Variants in ERAP1 observed in about 807,000 individuals in gnomAD.
The protein encoded by ERAP1 is endoplasmic reticulum aminopeptidase 1.
Under a neutral mutation model 103.7 loss-of-function variants are expected in ERAP1, and 86 were observed. The observed-to-expected ratio is 0.83, with a 90% CI of 0.70 to 0.99. ERAP1 has a LOEUF of 0.99. Among genes scored for constraint, ERAP1 ranks in the 50% least tolerant of loss-of-function variants. The pLI, the probability that ERAP1 is intolerant of heterozygous loss-of-function variation, is 0.00. For missense variants in ERAP1, 1,009 were observed against 1,128.4 expected (o/e 0.89, Z 1.52); for synonymous variants, 398 against 402.4 (o/e 0.99, Z 0.13).
Position 96,781,807 on chromosome 5 carries a change from C to T in ERAP1, c.2333G>A (p.Ser778Asn). 4.3e-6 allele frequency: 7 copies of T among 1,614,094 alleles called. No individual in the cohort carries two copies. Among genetic ancestry groups the T allele is most frequent in the Non-Finnish European group, 5.9e-6 (7 of 1,180,014 alleles). ...ATAAAGAAAATCCCAGCCTTCTGTG[C>T]TCTGGGCCCCCACAGCAAACACTGC... ...TLAVFAVGAQ[S>N]TEGWDFLYSK... The change falls in exon 16 of 19, where the codon AGC becomes AAC. Residue 778 changes from serine (S) to asparagine (N), a missense_variant. Physicochemically the swap from Ser to Asn is conservative, Grantham distance 46. Around this residue, in one of 3 missense-constraint regions of ERAP1, gnomAD observed 611 missense variants for 651.7 expected, o/e 0.94. Transcript: ENST00000443439.
At chr5:96,785,664 C>CA in intron 13 of ERAP1, 124 bp downstream of exon 13, 1 of 958,152 alleles carries the variant, frequency 1.0e-6, no homozygotes, top group Non-Finnish European at 1.5e-6. Flanking sequence ...GTTAGAAGAA[C>CA]TTAAAGGAAA....
chr5:96,767,400 A>T (rs138461806), intron 19 of ERAP1: 135 of 1,559,052 alleles, frequency 8.7e-5, no homozygotes, highest in Non-Finnish European at 1.1e-4. Context: ...ACCTTTACAG[A>T]TATCTATGCT....
chr5:96,890,588 A>T, the ERAP1 span, among the ~76,000 whole-genome samples: 1 of 152,136 alleles, frequency 6.6e-6, no homozygotes, highest in Non-Finnish European at 1.5e-5. Flanking sequence ...TGACAAAACA[A>T]TTTTTTTCCT....
the ERAP1 span, among the ~76,000 whole-genome samples, chr5:96,838,820 C>T: frequency 6.6e-6 from 1 of 152,130 alleles, no homozygotes; most frequent in Non-Finnish European, 1.5e-5. Flanking sequence ...AACACACACA[C>T]ACACACACAC....
rs368621313 is a variant in ERAP1 at position 96,775,537 on chromosome 5, CA to C, written c.*858del. 8.2e-4 allele frequency: 683 copies of C among 835,820 alleles called. 12 individuals are homozygous for C. In the African/African-American group the frequency reaches 0.033, roughly 40 times the overall value. The allele number at this position is 835,820 out of a possible 1,614,324, so 51.8% of individuals were successfully genotyped here. ...ACCAGTCAGGGAAATAGATGACACT[CA>C]CTCAGAATTATCTGAGGAGGGTTCT... On this transcript the variant is annotated 3_prime_UTR_variant, in exon 19 of 19. Transcript: ENST00000443439.
intron 13 of ERAP1, chr5:96,784,955 G>A (rs1437114286): frequency 6.6e-6 from 1 of 152,164 alleles, no homozygotes; most frequent in East Asian, 1.9e-4. Flanking sequence ...GAAAGAAACA[G>A]CTAGGTAAGC....
intron 18 of ERAP1, among the ~76,000 whole-genome samples, chr5:96,778,611 G>A (rs901411018): frequency 2.0e-5 from 3 of 152,186 alleles, no homozygotes; most frequent in Non-Finnish European, 4.4e-5. Flanking sequence ...CACATGGGAA[G>A]GAGGGATTTG....
chr5:96,913,378 C>A, the ERAP1 span: 1 of 1,614,062 alleles, frequency 6.2e-7, no homozygotes, highest in Non-Finnish European at 8.5e-7. Flanking sequence ...AGCTCTCCTT[C>A]ATGCGATTGC....
chr5:96,922,262 C>T, the ERAP1 span, among the ~76,000 whole-genome samples: 3 of 152,194 alleles, frequency 2.0e-5, no homozygotes, highest in East Asian at 3.8e-4. Flanking sequence ...CAGGCCACTG[C>T]ACTCCGGCCT....
chr5:96,764,469 C>T (rs1769109566), intron 19 of ERAP1, among the ~76,000 whole-genome samples: 1 of 152,166 alleles, frequency 6.6e-6, no homozygotes, highest in African/African-American at 2.4e-5. Flanking sequence ...TCTGCAATTT[C>T]ACTTCCATGA....
the ERAP1 span, among the ~76,000 whole-genome samples, chr5:96,850,134 T>C: frequency 2.6e-5 from 4 of 152,182 alleles, no homozygotes; most frequent in African/African-American, 4.8e-5. Context: ...GACCTGATAC[T>C]GTAAAACTGC....
the ERAP1 span, chr5:96,876,244 AC>A: frequency 6.6e-6 from 1 of 152,340 alleles, no homozygotes; most frequent in Admixed American, 6.5e-5. Flanking sequence ...TACCCTGGGG[AC>A]AAGGGAAGGG....
the ERAP1 span, among the ~76,000 whole-genome samples, chr5:96,932,371 G>T: frequency 4.6e-5 from 7 of 152,164 alleles, no homozygotes. Flanking sequence ...CACTTAGCAG[G>T]GCTGAATCCA....
chr5:96,800,042 G>C (rs1460683527), intron 3 of ERAP1, among the ~76,000 whole-genome samples: 1 of 152,174 alleles, frequency 6.6e-6, no homozygotes, highest in Admixed American at 6.5e-5. Context: ...GGACAAAGCT[G>C]TTCTTCCCTC....
chr5:96,866,285 G>T, the ERAP1 span, among the ~76,000 whole-genome samples: 6 of 152,150 alleles, frequency 3.9e-5, no homozygotes, highest in African/African-American at 1.2e-4. Flanking sequence ...ATTAATGTGT[G>T]TACAAGCTGT....
At chr5:96,818,423 C>A in the ERAP1 span, among the ~76,000 whole-genome samples, 1 of 73,000 alleles carries the variant, frequency 1.4e-5, no homozygotes, top group Admixed American at 1.3e-4. Flanking sequence ...AACAGGGAAG[C>A]CTCTTTTTTT....
the ERAP1 span, among the ~76,000 whole-genome samples, chr5:96,931,515 T>A: frequency 6.6e-6 from 1 of 152,060 alleles, no homozygotes; most frequent in East Asian, 1.9e-4. Flanking sequence ...ATCAGTGAGG[T>A]AGTAGTGTAG....
the ERAP1 span, among the ~76,000 whole-genome samples, chr5:96,927,382 G>A: frequency 6.6e-6 from 1 of 152,144 alleles, no homozygotes; most frequent in Non-Finnish European, 1.5e-5. Context: ...TTTTGGATTT[G>A]ATTTGCTTTT....
chr5:96,893,855 C>T, the ERAP1 span, among the ~76,000 whole-genome samples: 1 of 152,292 alleles, frequency 6.6e-6, no homozygotes, highest in East Asian at 1.9e-4. Context: ...CTCTTGCCTA[C>T]ACCTAAGCTT....
Sources: gnomAD v4.1 joint callset for allele counts (sites outside exome capture counted in the v4.1 genomes callset) on GRCh38, gnomAD v4.1.1 for gene constraint, gnomAD v4.1.1 regional missense constraint, MANE v1.5 for transcripts, NCBI Gene and HGNC (gene_info 2026-07-23, HGNC 2026-07-21) for gene names.